TCF20: variants seen among roughly 807,000 people sequenced by gnomAD.
The protein encoded by TCF20 is SPRE-binding protein.
TCF20 carries 3 observed loss-of-function variants against 148.6 expected under a neutral mutation model. The ratio of observed to expected loss-of-function variants is 0.02; its 90% confidence interval spans 0.01 to 0.05. TCF20 has a LOEUF of 0.05. TCF20 is among the 10% of genes least tolerant of loss of function. TCF20 has a pLI of 1.00. For synonymous variants in TCF20, 1,049 were observed against 909.5 expected (o/e 1.15, Z -2.76); for missense variants, 2,350 against 2,429.3 (o/e 0.97, Z 0.69).
chr22:42,202,787 G>T (rs940668802), intron 2 of TCF20, among the ~76,000 whole-genome samples: 2 of 152,192 alleles, frequency 1.3e-5, no homozygotes, highest in Non-Finnish European at 2.9e-5. Context: ...CCTGTGTGCG[G>T]CAAGGCATTG....
upstream of TCF20, among the ~76,000 whole-genome samples, chr22:42,271,454 C>A (rs62238216): frequency 6.6e-6 from 1 of 152,350 alleles, no homozygotes; most frequent in Admixed American, 6.5e-5. Flanking sequence ...CCTTTGCAAA[C>A]CTGATGTTTC....
chr22:42,339,084 C>T (rs921829796), intron 1 of TCF20, among the ~76,000 whole-genome samples: 18 of 152,132 alleles, frequency 1.2e-4, no homozygotes, highest in African/African-American at 4.3e-4. Flanking sequence ...GCAGATGCCA[C>T]GAACCCCCTT....
At chr22:42,189,651 A>C (rs149020911) in intron 2 of TCF20, among the ~76,000 whole-genome samples, 1 of 152,342 alleles carries the variant, frequency 6.6e-6, no homozygotes, top group African/African-American at 2.4e-5. Flanking sequence ...GGCTTTATCA[A>C]AGTGATCCCA....
At chr22:42,309,856 G>C (rs866862287) in intron 1 of TCF20, among the ~76,000 whole-genome samples, 7 of 152,208 alleles carry the variant, frequency 4.6e-5, no homozygotes, top group Admixed American at 6.5e-5. Context: ...GATGAAGTAA[G>C]AAAAACACAA....
chr22:42,207,435 C>T (rs543618480), intron 2 of TCF20, among the ~76,000 whole-genome samples: 11 of 152,168 alleles, frequency 7.2e-5, no homozygotes, highest in South Asian at 4.1e-4. Flanking sequence ...TATTATTCTA[C>T]GGAGAGGACT....
At chr22:42,273,360 C>CA (rs35166029), upstream of TCF20, among the ~76,000 whole-genome samples, 949 of 61,250 alleles carry the variant, frequency 0.015, 121 homozygotes, top group East Asian at 0.03. Flanking sequence ...AACTCCGTCT[C>CA]AAAAAAAAAA....
Position 42,209,861 on chromosome 22 carries a change from G to A in TCF20, c.5445C>T (p.Gly1815=), listed in dbSNP as rs1920926856. The change falls in exon 2 of 6, where the codon GGC becomes GGT. Residue 1815 remains glycine, a synonymous_variant. Coordinates refer to ENST00000677622, the MANE Select transcript of TCF20 (RefSeq NM_001378418.1). The part of the protein sequence containing the change: ...GLPCKKAATE[G]SSEKTVLDSK... Reference sequence around the variant, plus strand: ...AGTCCAAAACAGTCTTTTCACTGCTGCCCTCAGTGGCTGCTTTTTTACAAG... The same window carrying A: ...AGTCCAAAACAGTCTTTTCACTGCTACCCTCAGTGGCTGCTTTTTTACAAG... 1.2e-6 allele frequency: 2 copies of A among 1,614,214 alleles called. No individual in the cohort carries two copies. Among genetic ancestry groups the A allele is most frequent in the Non-Finnish European group, 1.7e-6 (2 of 1,180,030 alleles).
chr22:42,335,545 G>C (rs1421688882), intron 1 of TCF20, among the ~76,000 whole-genome samples: 2 of 152,222 alleles, frequency 1.3e-5, no homozygotes, highest in Non-Finnish European at 2.9e-5. Context: ...GACTGCATTT[G>C]CTGAATGAAT....
rs769618700 is a variant in TCF20, at chr22:42,213,861, TGAG to T, written c.1442_1444del (p.Pro481del). 1.9e-6 allele frequency: 3 copies of T among 1,614,206 alleles called. No homozygotes were observed. The highest frequency in any genetic ancestry group is 1.7e-5 in the Admixed American group (1 of 60,026). On this transcript the variant is annotated inframe_deletion, in exon 2 of 6. Transcript: ENST00000677622. ...TGAGGGCCTCTTGGAGGTCTTCTTC[TGAG>T]GAGTCAGGGCATCAGAAAGTAACAT...
intron 1 of TCF20, among the ~76,000 whole-genome samples, chr22:42,295,209 A>G (rs1927209674): frequency 6.6e-6 from 1 of 152,152 alleles, no homozygotes; most frequent in Non-Finnish European, 1.5e-5. Context: ...AGACAGTAAC[A>G]TTTGAGGTGA....
At chr22:42,253,175 A>G (rs962117883) in intron 1 of TCF20, among the ~76,000 whole-genome samples, 1 of 152,246 alleles carries the variant, frequency 6.6e-6, no homozygotes, top group Non-Finnish European at 1.5e-5. Context: ...AACTAAAGCA[A>G]AGAGAATGCA....
chr22:42,174,017 C>A (rs866317014), intron 3 of TCF20, among the ~76,000 whole-genome samples: 1 of 152,170 alleles, frequency 6.6e-6, no homozygotes, highest in East Asian at 1.9e-4. Context: ...AAGTCCTCAG[C>A]TAATAATGAG....
At chr22:42,316,362 A>G (rs1927631358) in intron 1 of TCF20, among the ~76,000 whole-genome samples, 1 of 152,162 alleles carries the variant, frequency 6.6e-6, no homozygotes, top group Non-Finnish European at 1.5e-5. Flanking sequence ...CCAAAAGAGC[A>G]CTAGCATGGG....
chr22:42,270,593 G>A lies in TCF20; in HGVS notation c.-291C>T, dbSNP rs529721523. The stretch of plus-strand genomic sequence containing the variant: ...GCGGAGGCCGCGGCCGCCTCGCAGG[G>A]GCCGAAAGCGGCTGGGCTCGGGGTT... On this transcript the variant is annotated 5_prime_UTR_variant, in exon 1 of 6. Coordinates refer to ENST00000677622, the MANE Select transcript of TCF20 (RefSeq NM_001378418.1). Among the ~76,000 whole-genome samples the A allele has an allele frequency of 8.3e-3, 1,214 of 145,958 alleles. 12 individuals are homozygous for A. Among genetic ancestry groups the A allele is most frequent in the African/African-American group, 0.029 (1,172 of 40,820 alleles).
chr22:42,336,994 C>A (rs540299494), intron 1 of TCF20, among the ~76,000 whole-genome samples: 1 of 152,326 alleles, frequency 6.6e-6, no homozygotes, highest in East Asian at 1.9e-4. Context: ...GGGAGTTGCA[C>A]AACACAGTGG....
rs969551919 is a variant in TCF20, at chr22:42,292,026, G to T, written c.-37+51453C>A. On this transcript the variant is annotated intron_variant, in intron 1 of 1. Transcript: ENST00000515426. The surrounding 1 kb of genome is among the most constrained non-coding windows in gnomAD (Gnocchi z 4.9). ...TGTCTCCTGCCCCTGTGGACCTGAG[G>T]TCTCTGACCTGGGTAAAAGCAGGCA... is the stretch of plus-strand genomic sequence containing the variant. 1.3e-5 allele frequency among the ~76,000 whole-genome samples: 2 copies of T among 152,088 alleles called. No homozygotes were observed. Among genetic ancestry groups the T allele is most frequent in the African/African-American group, 4.8e-5 (2 of 41,410 alleles).
At chr22:42,168,859 A>C in intron 4 of TCF20, 123 bp from the exon 5 acceptor site, 1 of 1,299,486 alleles carries the variant, frequency 7.7e-7, no homozygotes, top group Non-Finnish European at 1.0e-6. Context: ...GTCAGTCCTG[A>C]CCGACAAACA....
chr22:42,256,205 C>T (rs748523136), intron 1 of TCF20, among the ~76,000 whole-genome samples: 7 of 152,192 alleles, frequency 4.6e-5, no homozygotes, highest in Non-Finnish European at 7.3e-5. Context: ...ACAGCCTTAT[C>T]AATCATTCAT....
At chr22:42,219,072 T>C (rs1161934973) in intron 1 of TCF20, among the ~76,000 whole-genome samples, 1 of 151,704 alleles carries the variant, frequency 6.6e-6, no homozygotes, top group Non-Finnish European at 1.5e-5. Flanking sequence ...CGACAGAAAA[T>C]GTAAACCTGG....
Sources: allele counts gnomAD v4.1 joint callset (sites outside exome capture counted in the v4.1 genomes callset), GRCh38; gene constraint gnomAD v4.1.1; non-coding constraint Gnocchi (gnomAD v3.1); transcripts MANE v1.5; gene names NCBI Gene and HGNC (gene_info 2026-07-23, HGNC 2026-07-21).